Variants in FBXO38 observed in about 807,000 individuals in gnomAD.
FBXO38 encodes F-box protein 38.
Under a neutral mutation model 131.9 loss-of-function variants are expected in FBXO38, and 53 were observed. The ratio of observed to expected loss-of-function variants is 0.40; its 90% CI spans 0.32 to 0.51. The LOEUF (loss-of-function observed/expected upper bound fraction) is 0.51, where lower values mean the gene tolerates loss of function less well. FBXO38 is among the 20% of genes least tolerant of loss of function. The probability of loss-of-function intolerance (pLI) is 0.53; values close to 1 mark genes in which losing one functional copy is unlikely to be tolerated. For synonymous variants in FBXO38, 452 were observed against 505.6 expected (o/e 0.89, Z 1.42); for missense variants, 1,076 against 1,475.6 (o/e 0.73, Z 4.44).
At chr5:148,414,428 G>T (rs185143610) in intron 10 of FBXO38, 122 bp downstream of exon 10, 3 of 907,640 alleles carry the variant, frequency 3.3e-6, no homozygotes, top group Non-Finnish European at 3.2e-6. Context: ...CATTTGGATT[G>T]TTCATACAAG....
intron 5 of FBXO38, 42 bp from the exon 6 acceptor site, chr5:148,404,643 T>G (rs1467563671): frequency 6.7e-7 from 1 of 1,502,360 alleles, no homozygotes; most frequent in Non-Finnish European, 8.9e-7. Context: ...TATATTTTTG[T>G]GATTTTTTTC....
In FBXO38 at chr5:148,425,503, G is replaced by T. The variant is rs1362070999; in HGVS notation, c.1739-19G>T. On this transcript the variant is annotated intron_variant, in intron 13 of 21. Transcript: ENST00000340253. Reference sequence around the variant, plus strand: ...TTCTTGCGCAAAAAGTAACTGTTAGGCCTGTGCTTTTTTTTAAGGACCCAG... The same window carrying T: ...TTCTTGCGCAAAAAGTAACTGTTAGTCCTGTGCTTTTTTTTAAGGACCCAG... 6.2e-7 allele frequency: 1 copy of T among 1,601,622 alleles called. No homozygotes were observed. The highest frequency in any genetic ancestry group is 8.5e-7 in the Non-Finnish European group (1 of 1,170,220).
At chr5:148,424,844 G>A (rs1240251998) in intron 13 of FBXO38, among the ~76,000 whole-genome samples, 1 of 151,794 alleles carries the variant, frequency 6.6e-6, no homozygotes, top group Non-Finnish European at 1.5e-5. Flanking sequence ...TGTACAATGT[G>A]ACAGGAAAAA....
intron 1 of FBXO38, among the ~76,000 whole-genome samples, chr5:148,387,163 A>C (rs1008480010): frequency 6.6e-6 from 1 of 152,186 alleles, no homozygotes; most frequent in Admixed American, 6.5e-5. Context: ...TCAAAATTAC[A>C]TTCAGTTCTC....
chr5:148,419,113 A>C (rs1753246468), intron 12 of FBXO38, among the ~76,000 whole-genome samples: 3 of 152,258 alleles, frequency 2.0e-5, no homozygotes, highest in Admixed American at 1.3e-4. Flanking sequence ...ATACTGTTAA[A>C]TGCTGAGAAG....
intron 1 of FBXO38, among the ~76,000 whole-genome samples, chr5:148,392,581 TTGTGTGTGTGTGTGTGTGTGTGTGTG>T (rs55667300): frequency 7.0e-6 from 1 of 141,856 alleles, no homozygotes; most frequent in African/African-American, 2.7e-5. Context: ...TTGCTTTTCT[TTGTGTGTGTGTGTGTGTGTGTGTGTG>T]TGTGTGTGTG....
chr5:148,425,613 A>T lies in FBXO38; in HGVS notation c.1830A>T (p.Gln610His). 1 of 1,613,966 alleles carries T rather than the reference A, an allele frequency of 6.2e-7. No homozygotes were observed. The highest frequency in any genetic ancestry group is 1.1e-5 in the South Asian group (1 of 91,078). ...SDDEEDSLEL[Q>H]EVWIPKNGTR... ...ATGAAGAAGATAGTCTAGAACTCCA[A>T]GAAGTCTGGATTCCTAAGAACGGTA... is the stretch of plus-strand genomic sequence containing the variant. The change falls in exon 14 of 22, where the codon CAA (glutamine) becomes CAT (histidine). Residue 610 changes from glutamine to histidine, a missense_variant. Gln to His is a conservative substitution (Grantham distance 24). This residue lies in a region of FBXO38 where 212 missense variants were observed against 221.2 expected (regional missense o/e 0.96). Coordinates refer to ENST00000340253, the MANE Select transcript of FBXO38 (RefSeq NM_205836.3).
intron 10 of FBXO38, among the ~76,000 whole-genome samples, chr5:148,415,000 C>T (rs1284879642): frequency 6.6e-6 from 1 of 152,060 alleles, no homozygotes; most frequent in Non-Finnish European, 1.5e-5. Flanking sequence ...GTCACTTGAC[C>T]GGGATCTGTA....
At chr5:148,434,654 A>G (rs1754238882) in intron 17 of FBXO38, 1 of 152,258 alleles carries the variant, frequency 6.6e-6, no homozygotes, top group African/African-American at 2.4e-5. Context: ...GTTCTAGACC[A>G]CCATAATAAA....
In FBXO38 at chr5:148,393,161, C is replaced by T. The variant is rs143426416; in HGVS notation, c.-63-1553C>T. 3.4e-3 allele frequency among the ~76,000 whole-genome samples: 494 copies of T among 144,646 alleles called. 3 individuals carry two copies. Among genetic ancestry groups the T allele is most frequent in the Non-Finnish European group, 5.0e-3 (335 of 66,656 alleles). 94.9% of individuals were successfully genotyped at this position (144,646 alleles called of 152,430 possible). On this transcript the variant is annotated intron_variant, in intron 1 of 21. Transcript: ENST00000340253. ...CATTGATTTCTCTGGTTTCTCAGGC[C>T]GTACTGGTTAGAAACAACAGAAGAG...
chr5:148,416,644 T>C (rs1753071292), intron 11 of FBXO38: 2 of 223,102 alleles, frequency 9.0e-6, no homozygotes, highest in Admixed American at 1.0e-4. Flanking sequence ...CAGTTATTAA[T>C]GGTTACATTC....
chr5:148,385,680 G>A (rs1383057155), intron 1 of FBXO38, among the ~76,000 whole-genome samples: 1 of 152,216 alleles, frequency 6.6e-6, no homozygotes, highest in African/African-American at 2.4e-5. Context: ...ATGTGGTGTG[G>A]TATTTCTTTA....
chr5:148,428,759 T>C (rs1454430453), intron 15 of FBXO38, among the ~76,000 whole-genome samples: 2 of 152,220 alleles, frequency 1.3e-5, no homozygotes, highest in Non-Finnish European at 2.9e-5. Context: ...ATAGAACTAA[T>C]GGATTCATAC....
At chr5:148,437,825 T>C (rs1754436591) in intron 17 of FBXO38, among the ~76,000 whole-genome samples, 1 of 152,182 alleles carries the variant, frequency 6.6e-6, no homozygotes, top group African/African-American at 2.4e-5. Context: ...AGTATTATGG[T>C]AACCACTAAC....
intron 8 of FBXO38, 108 bp from the exon 9 acceptor site, chr5:148,410,527 C>T (rs1752689369): frequency 2.3e-6 from 3 of 1,295,168 alleles, no homozygotes; most frequent in Non-Finnish European, 2.2e-6. Flanking sequence ...GTCTCAGGTA[C>T]GTCTTTGTCA....
chr5:148,403,755 C>T (rs974451077), intron 5 of FBXO38, among the ~76,000 whole-genome samples: 1 of 152,148 alleles, frequency 6.6e-6, no homozygotes, highest in African/African-American at 2.4e-5. Flanking sequence ...AAACAACTGA[C>T]CATTCAAGTA....
At chr5:148,393,234 T>TGTGTGTGTGTGA (rs1491443388) in intron 1 of FBXO38, among the ~76,000 whole-genome samples, 2 of 144,302 alleles carry the variant, frequency 1.4e-5, no homozygotes, top group Non-Finnish European at 3.0e-5. Context: ...TGTGTGTGTG[T>TGTGTGTGTGTGA]GATGAGAGGC....
At chr5:148,409,949 T>A (rs937542540) in intron 8 of FBXO38, among the ~76,000 whole-genome samples, 13 of 152,230 alleles carry the variant, frequency 8.5e-5, no homozygotes, top group African/African-American at 3.1e-4. Flanking sequence ...CAGATGCAGA[T>A]TCTCACATTG....
intron 10 of FBXO38, among the ~76,000 whole-genome samples, chr5:148,415,004 A>T (rs1309351022): frequency 6.6e-6 from 1 of 152,048 alleles, no homozygotes; most frequent in Non-Finnish European, 1.5e-5. Context: ...CTTGACCGGG[A>T]TCTGTATCTC....
Sources: gnomAD v4.1 joint callset for allele counts (sites outside exome capture counted in the v4.1 genomes callset) on GRCh38, gnomAD v4.1.1 for gene constraint, gnomAD v4.1.1 regional missense constraint, MANE v1.5 for transcripts, NCBI Gene and HGNC (gene_info 2026-07-23, HGNC 2026-07-21) for gene names.